The following GPC5 variants were observed in gnomAD, a reference collection of about 807,000 sequenced individuals.
GPC5 encodes the protein glypican 5.
In GPC5, 47 loss-of-function variants were observed where a neutral mutation model predicts 53.9. That is an observed-to-expected ratio of 0.87 (90% confidence interval 0.69 to 1.11). The LOEUF (loss-of-function observed/expected upper bound fraction) is 1.11. Among genes scored for constraint, GPC5 ranks in the 50% most tolerant of loss-of-function variants. The probability of loss-of-function intolerance (pLI) is 0.00; values close to 1 mark genes in which losing one functional copy is unlikely to be tolerated. For missense variants in GPC5, 748 were observed against 713.1 expected, an observed-to-expected ratio of 1.05 and a Z score of -0.56; for synonymous variants, 286 against 263.3, an observed-to-expected ratio of 1.09 and a Z score of -0.84.
intron 7 of GPC5, among the ~76,000 whole-genome samples, chr13:92,616,887 T>C (rs1884709251): frequency 6.6e-6 from 1 of 151,808 alleles, no homozygotes; most frequent in Non-Finnish European, 1.5e-5. Context: ...TTAAACCCTC[T>C]CTAAGGCCGT....
intron 7 of GPC5, among the ~76,000 whole-genome samples, chr13:92,525,008 A>T (rs606022): frequency 0.32 from 48,144 of 151,914 alleles, 8,732 homozygotes; most frequent in East Asian, 0.68. Flanking sequence ...AGTGGGGCTT[A>T]TCAACTAAGA....
At chr13:91,996,071 G>A (rs963048273) in intron 6 of GPC5, 2 of 152,210 alleles carry the variant, frequency 1.3e-5, no homozygotes, top group African/African-American at 4.8e-5. Flanking sequence ...TACAGACTCA[G>A]GGGCAAAAGG....
chr13:92,819,849 G>A (rs73623853), intron 7 of GPC5, among the ~76,000 whole-genome samples: 14,564 of 152,116 alleles, frequency 0.096, 1,230 homozygotes, highest in African/African-American at 0.22. Context: ...CTAATTTGAT[G>A]TCAACTCTGA....
chr13:92,817,235 G>A (rs1034325611), intron 7 of GPC5, among the ~76,000 whole-genome samples: 1 of 151,952 alleles, frequency 6.6e-6, no homozygotes, highest in African/African-American at 2.4e-5. Context: ...CAATGAAGCA[G>A]AAAATATGAA....
chr13:92,354,764 T>C (rs2043508562), intron 7 of GPC5, among the ~76,000 whole-genome samples: 1 of 151,992 alleles, frequency 6.6e-6, no homozygotes, highest in African/African-American at 2.4e-5. Context: ...ATGCAAAAAA[T>C]GGGGGAAGAG....
At chr13:92,850,654 G>A (rs1878763918) in intron 7 of GPC5, among the ~76,000 whole-genome samples, 2 of 152,104 alleles carry the variant, frequency 1.3e-5, no homozygotes, top group Non-Finnish European at 2.9e-5. Context: ...CCTTGGTAGA[G>A]AGGTTAAAGA....
At chr13:92,459,296 G>A (rs1303443381) in intron 7 of GPC5, among the ~76,000 whole-genome samples, 1 of 152,136 alleles carries the variant, frequency 6.6e-6, no homozygotes, top group Non-Finnish European at 1.5e-5. Context: ...ATGAGTTAGG[G>A]AGACCAAAAC....
chr13:92,463,501 G>T (rs1878573859), intron 7 of GPC5, among the ~76,000 whole-genome samples: 1 of 152,166 alleles, frequency 6.6e-6, no homozygotes, highest in Admixed American at 6.6e-5. Flanking sequence ...TCACTCATTA[G>T]CATCTGCTAT....
chr13:92,671,582 G>C (rs1886753693), intron 7 of GPC5, among the ~76,000 whole-genome samples: 1 of 152,196 alleles, frequency 6.6e-6, no homozygotes, highest in South Asian at 2.1e-4. Context: ...GAAGGCTCTA[G>C]AAGTTCTTGA....
At chr13:92,146,867 C>A (rs1003354602) in intron 7 of GPC5, among the ~76,000 whole-genome samples, 46 of 151,940 alleles carry the variant, frequency 3.0e-4, no homozygotes, top group African/African-American at 1.1e-3. Flanking sequence ...GAATAGTATT[C>A]CATGATATAT....
At chr13:92,737,219 C>T (rs997805600) in intron 7 of GPC5, among the ~76,000 whole-genome samples, 1 of 151,942 alleles carries the variant, frequency 6.6e-6, no homozygotes, top group Non-Finnish European at 1.5e-5. Context: ...CTAGTGAATG[C>T]TTAATAAATG....
chr13:92,392,608 A>G (rs530311438), intron 7 of GPC5, among the ~76,000 whole-genome samples: 1 of 152,168 alleles, frequency 6.6e-6, no homozygotes, highest in Non-Finnish European at 1.5e-5. Flanking sequence ...TGAACAGAGT[A>G]AACAGACAAC....
chr13:92,206,819 CCAT>C (rs1332123904), intron 7 of GPC5, among the ~76,000 whole-genome samples: 2 of 152,074 alleles, frequency 1.3e-5, no homozygotes, highest in Non-Finnish European at 2.9e-5. Context: ...TTAGTTCAAT[CCAT>C]CATCACATCA....
At chr13:92,417,959 A>G (rs1338033410) in intron 7 of GPC5, among the ~76,000 whole-genome samples, 1 of 152,220 alleles carries the variant, frequency 6.6e-6, no homozygotes, top group Non-Finnish European at 1.5e-5. Flanking sequence ...TAATCATACA[A>G]TAGAATCTTA....
At chr13:92,332,351 T>C (rs2043293678) in intron 7 of GPC5, among the ~76,000 whole-genome samples, 1 of 152,170 alleles carries the variant, frequency 6.6e-6, no homozygotes. Context: ...GTTTTTTACC[T>C]ACAAGTGGCT....
intron 3 of GPC5, among the ~76,000 whole-genome samples, chr13:91,727,825 C>T (rs1356984828): frequency 6.6e-6 from 1 of 152,076 alleles, no homozygotes; most frequent in African/African-American, 2.4e-5. Context: ...TACAAGGTAT[C>T]ATATAAATCT....
chr13:91,817,780 A>G (rs943890038), intron 5 of GPC5, among the ~76,000 whole-genome samples: 1 of 152,216 alleles, frequency 6.6e-6, no homozygotes, highest in Non-Finnish European at 1.5e-5. Context: ...CCACCCCAAA[A>G]TAAAATTCTG....
intron 2 of GPC5, among the ~76,000 whole-genome samples, chr13:91,583,045 T>C (rs752169692): frequency 2.0e-5 from 3 of 152,026 alleles, no homozygotes; most frequent in Non-Finnish European, 4.4e-5. Flanking sequence ...AGTAAAAACA[T>C]TTAGCATCTA....
intron 7 of GPC5, among the ~76,000 whole-genome samples, chr13:92,435,543 C>T (rs1444286191): frequency 6.6e-6 from 1 of 152,016 alleles, no homozygotes; most frequent in Non-Finnish European, 1.5e-5. Context: ...GTACTGACAT[C>T]CTGTGGGAAA....
Sources: allele counts gnomAD v4.1 joint callset (sites outside exome capture counted in the v4.1 genomes callset), GRCh38; gene constraint gnomAD v4.1.1; transcripts MANE v1.5; gene names NCBI Gene and HGNC (gene_info 2026-07-23, HGNC 2026-07-21).